The following ZNF688 variants were observed in gnomAD, a reference collection of about 807,000 sequenced individuals.
ZNF688 encodes the protein zinc finger protein 688.
Under a neutral mutation model 13.2 loss-of-function variants are expected in ZNF688, and 10 were observed. The observed-to-expected ratio is 0.76, with a 90% confidence interval of 0.47 to 1.28. ZNF688 has a LOEUF of 1.28. Among genes scored for constraint, ZNF688 ranks in the 50% most tolerant of loss-of-function variants. ZNF688 has a pLI of 0.00. For missense variants in ZNF688, 381 were observed against 391.4 expected, an observed-to-expected ratio of 0.97 and a Z score of 0.22; for synonymous variants, 160 against 159.4, an observed-to-expected ratio of 1.00 and a Z score of -0.03.
At chr16:30,575,269 G>A (rs2051735519), upstream of ZNF688, among the ~76,000 whole-genome samples, 2 of 148,884 alleles carry the variant, frequency 1.3e-5, no homozygotes, top group African/African-American at 5.0e-5. Context: ...TTTTTGAGAC[G>A]GAGTTTTGCT....
chr16:30,579,806 A>G, the ZNF688 span: 1 of 455,978 alleles, frequency 2.2e-6, no homozygotes, highest in South Asian at 1.5e-5. Context: ...TCTTTTGTTC[A>G]TTCCTTCAAA....
chr16:30,571,370 C>G, intron 1 of ZNF688, 64 bp downstream of exon 1: 1 of 1,538,066 alleles, frequency 6.5e-7, no homozygotes, highest in South Asian at 1.2e-5. Flanking sequence ...CCTCTCGGCC[C>G]TTCTACATCA....
rs767609083 is a variant in ZNF688, at chr16:30,571,033, TC to T, written c.286del (p.Glu96LysfsTer33). ...SPAAQDPEKG[E>X]RLGGARRGDV... ...ACCTCTCCGAGCTCCTCCCAGTCTT[TC>T]CCCCTTCTCAGGATCCTGGGCGGCG... On this transcript the variant is annotated frameshift_variant, in exon 2 of 3. Coordinates refer to ENST00000223459, the MANE Select transcript of ZNF688 (RefSeq NM_145271.4). LOFTEE classifies it low-confidence loss of function (END_TRUNC). 15 of 1,613,132 alleles carry T rather than the reference TC, an allele frequency of 9.3e-6. No individual in the cohort carries two copies. Among genetic ancestry groups the T allele is most frequent in the Non-Finnish European group, 1.3e-5 (15 of 1,179,658 alleles).
chr16:30,570,902 A>C, intron 2 of ZNF688, 108 bp downstream of exon 2: 1 of 1,196,062 alleles, frequency 8.4e-7, no homozygotes. Flanking sequence ...CTAGTACCCA[A>C]CACAGTTGAA....
chr16:30,571,146 G>C, intron 1 of ZNF688, 23 bp from the exon 2 acceptor site: 3 of 1,561,970 alleles, frequency 1.9e-6, no homozygotes, highest in Non-Finnish European at 2.6e-6. Flanking sequence ...AGGGATCACA[G>C]CGCGGGCCTG....
At position 30,571,125 on chromosome 16, in the gene ZNF688, T is replaced by G. The variant is rs755987990; in HGVS notation, c.197-2A>C. The G allele has an allele frequency of 6.4e-7, 1 of 1,573,720 alleles. No individual in the cohort carries two copies. On this transcript the variant is annotated splice_acceptor_variant, in intron 1 of 2. Coordinates refer to ENST00000223459, the MANE Select transcript of ZNF688 (RefSeq NM_145271.4). LOFTEE classifies it high-confidence loss of function. ...GGGCTGGTTTGGGGCCTGGGAATCCTGGGAGAGAACAGGGATCACAGCGCG... is the reference window on the plus strand; with the variant it reads ...GGGCTGGTTTGGGGCCTGGGAATCCGGGGAGAGAACAGGGATCACAGCGCG...
At chr16:30,576,486 A>AG (rs531862420), upstream of ZNF688, among the ~76,000 whole-genome samples, 54 of 152,288 alleles carry the variant, frequency 3.5e-4, 1 homozygote, top group East Asian at 9.7e-3. Flanking sequence ...CTGGGATTAC[A>AG]GGCGTGAGCC....
rs2051685930 is a variant in ZNF688 at position 30,571,592 on chromosome 16, G to C, written c.38C>G (p.Pro13Arg). The change falls in exon 1 of 3, where the codon CCC (proline) becomes CGC (arginine). Residue 13 changes from proline to arginine, a missense_variant. Physicochemically the swap from Pro to Arg is moderately radical, Grantham distance 103. Transcript: ENST00000223459. ...PPPAPLLAPR[P>R]GETRPGCRKP... ...CCTGCAACCAGGCCGGGTCTCCCCG[G>C]GCCTCGGCGCCAGGAGCGGGGCTGG... 6.5e-7 allele frequency: 1 copy of C among 1,535,936 alleles called. No individual in the cohort carries two copies. Among genetic ancestry groups the C allele is most frequent in the South Asian group, 1.2e-5 (1 of 82,954 alleles).
chr16:30,577,019 G>A (rs1027503776), upstream of ZNF688, among the ~76,000 whole-genome samples: 3 of 152,028 alleles, frequency 2.0e-5, no homozygotes, highest in Non-Finnish European at 4.4e-5. Flanking sequence ...TCCCACCTCA[G>A]CCTCCCAAAG....
At chr16:30,575,818 G>A (rs1230149130), upstream of ZNF688, among the ~76,000 whole-genome samples, 2 of 150,940 alleles carry the variant, frequency 1.3e-5, no homozygotes, top group African/African-American at 4.9e-5. Flanking sequence ...CACCACTCCT[G>A]ACTAATTTTG....
chr16:30,571,148 G>A (rs753898111), intron 1 of ZNF688, 25 bp from the exon 2 acceptor site: 2 of 1,560,356 alleles, frequency 1.3e-6, no homozygotes, highest in African/African-American at 1.4e-5. Context: ...GGATCACAGC[G>A]CGGGCCTGAG....
upstream of ZNF688, chr16:30,573,971 G>A: frequency 3.4e-6 from 1 of 291,654 alleles, no homozygotes; most frequent in South Asian, 2.9e-5. Context: ...TTTAGGCCCA[G>A]CCCAGTTGCT....
the ZNF688 span, chr16:30,579,155 G>C: frequency 6.6e-6 from 1 of 152,370 alleles, no homozygotes; most frequent in East Asian, 1.9e-4. Flanking sequence ...GAAATGTAAT[G>C]ATGTCTGCAA....
chr16:30,571,579 C>G lies in ZNF688; in HGVS notation c.51G>C (p.Arg17=), dbSNP rs536073173. 3 of 1,554,724 alleles carry G rather than the reference C, an allele frequency of 1.9e-6. No homozygotes were observed. The African/African-American group carries it at 4.1e-5, about 21-fold the overall frequency. ...PLLAPRPGET[R]PGCRKPGTVS... ...CAGTCCCGGGCTTCCTGCAACCAGGCCGGGTCTCCCCGGGCCTCGGCGCCA... is the reference window on the plus strand; with the variant it reads ...CAGTCCCGGGCTTCCTGCAACCAGGGCGGGTCTCCCCGGGCCTCGGCGCCA... The change falls in exon 1 of 3, where the codon CGG becomes CGC. Residue 17 remains arginine, a synonymous_variant. Transcript: ENST00000223459.
upstream of ZNF688, among the ~76,000 whole-genome samples, chr16:30,576,347 C>T (rs1268847689): frequency 1.3e-5 from 2 of 152,200 alleles, no homozygotes; most frequent in Non-Finnish European, 2.9e-5. Context: ...GAGTAGCTGG[C>T]ACTACAGGTG....
chr16:30,579,679 A>G, the ZNF688 span: 1 of 411,948 alleles, frequency 2.4e-6, no homozygotes, highest in South Asian at 1.7e-5. Context: ...CGTGCCCGGC[A>G]CCAGTTCCCA....
chr16:30,570,658 C>CTTT, intron 2 of ZNF688: 1 of 537,468 alleles, frequency 1.9e-6, no homozygotes, highest in East Asian at 3.1e-5. Flanking sequence ...GACTTCACAG[C>CTTT]GTTACTGGTT....
upstream of ZNF688, chr16:30,572,268 C>T: frequency 6.5e-7 from 1 of 1,535,876 alleles, no homozygotes. Flanking sequence ...CAGCGGAGAC[C>T]TCGGCATCTG....
At chr16:30,570,722 ATTAT>A (rs3072029) in intron 2 of ZNF688, 4,080 of 298,616 alleles carry the variant, frequency 0.014, 78 homozygotes, top group African/African-American at 0.054. Context: ...AGCAGGGGCT[ATTAT>A]TTATTTATTT....
Sources: allele counts gnomAD v4.1 joint callset (sites outside exome capture counted in the v4.1 genomes callset), GRCh38; gene constraint gnomAD v4.1.1; transcripts MANE v1.5; gene names NCBI Gene and HGNC (gene_info 2026-07-23, HGNC 2026-07-21).